GABPB2: variants seen among roughly 807,000 people sequenced by gnomAD.
GABPB2 encodes the protein GA binding protein transcription factor subunit beta 2, also known as GA-binding protein subunit beta-2.
Under a neutral mutation model 39.1 loss-of-function variants are expected in GABPB2, and 23 were observed. The observed-to-expected ratio is 0.59, with a 90% CI of 0.42 to 0.83. The LOEUF is 0.83. Among genes scored for constraint, GABPB2 ranks in the 40% least tolerant of loss-of-function variants. GABPB2 has a pLI of 0.00. For synonymous variants in GABPB2, 184 were observed against 199.3 expected (o/e 0.92, Z 0.65); for missense variants, 467 against 541.1 (o/e 0.86, Z 1.36).
At chr1:151,116,084 C>G (rs2101574319) in intron 7 of GABPB2, among the ~76,000 whole-genome samples, 1 of 151,120 alleles carries the variant, frequency 6.6e-6, no homozygotes, top group East Asian at 2.0e-4. Context: ...GCCTAGGTTA[C>G]AGAGTGAGAC....
At chr1:151,093,608 T>A (rs587681258) in intron 4 of GABPB2, among the ~76,000 whole-genome samples, 57 of 148,802 alleles carry the variant, frequency 3.8e-4, no homozygotes, top group Non-Finnish European at 7.9e-4. Flanking sequence ...TTTATATTTT[T>A]TATATATATT....
intron 1 of GABPB2, among the ~76,000 whole-genome samples, chr1:151,078,060 C>T (rs894943039): frequency 1.9e-4 from 28 of 148,294 alleles, no homozygotes; most frequent in African/African-American, 7.0e-4. Context: ...CCCCTGAAGT[C>T]AGGAGTTCAA....
chr1:151,103,706 A>G lies in GABPB2; in HGVS notation c.736+31A>G, dbSNP rs1470459547. The G allele has an allele frequency of 7.2e-6, 10 of 1,391,610 alleles. No individual in the cohort carries two copies. In the East Asian group the frequency reaches 9.2e-5, roughly 13 times the overall value. 86.2% of individuals were successfully genotyped at this position (1,391,610 alleles called of 1,614,324 possible). On this transcript the variant is annotated intron_variant, in intron 6 of 8. Coordinates refer to ENST00000368918, the MANE Select transcript of GABPB2 (RefSeq NM_144618.3). ...TAAGGGATATGCTGCTGGGTGAATC[A>G]CCACTTTTTCTTTTGTTTTTAAGTC...
At chr1:151,116,923 T>C (rs1205349528) in intron 7 of GABPB2, among the ~76,000 whole-genome samples, 1 of 152,114 alleles carries the variant, frequency 6.6e-6, no homozygotes, top group Non-Finnish European at 1.5e-5. Context: ...TCTGGGCGGA[T>C]TGATAAGCTA....
chr1:151,124,699 A>G lies in GABPB2; in HGVS notation c.*6443A>G, dbSNP rs145417231. ...GGAACTTCAGAATGGACTATATGTGATGACCACCTGTATGCACTCTAGGCT... is the reference window on the plus strand; with the variant it reads ...GGAACTTCAGAATGGACTATATGTGGTGACCACCTGTATGCACTCTAGGCT... On this transcript the variant is annotated 3_prime_UTR_variant, in exon 9 of 9. Transcript: ENST00000368918. 1.3e-5 allele frequency: 2 copies of G among 152,222 alleles called. No homozygotes were observed. The highest frequency in any genetic ancestry group is 3.9e-4 in the East Asian group (2 of 5,184). The allele number at this position is 152,222 out of a possible 1,614,324, so 9.4% of individuals were successfully genotyped here. A position where few individuals can be genotyped will look rare whatever the true frequency, so the allele number is the denominator to read the frequency against.
Position 151,125,483 on chromosome 1 carries a change from A to G in GABPB2, c.*7227A>G, listed in dbSNP as rs587650471. 1 of 152,136 alleles carries G rather than the reference A, an allele frequency of 6.6e-6. No homozygotes were observed. The highest frequency in any genetic ancestry group is 2.4e-5 in the African/African-American group (1 of 41,424). 9.4% of individuals were successfully genotyped at this position (152,136 alleles called of 1,614,324 possible). A position where few individuals can be genotyped will look rare whatever the true frequency, so the allele number is the denominator to read the frequency against. On this transcript the variant is annotated 3_prime_UTR_variant, in exon 9 of 9. Coordinates refer to ENST00000368918, the MANE Select transcript of GABPB2 (RefSeq NM_144618.3). ...ATACTTATACAGATCTATATTATATATACAGTTTTTGTACTATCATTTAAA... is the reference window on the plus strand; with the variant it reads ...ATACTTATACAGATCTATATTATATGTACAGTTTTTGTACTATCATTTAAA...
intron 7 of GABPB2, among the ~76,000 whole-genome samples, chr1:151,113,292 C>A (rs1311075831): frequency 6.6e-6 from 1 of 151,668 alleles, no homozygotes; most frequent in Admixed American, 6.6e-5. Flanking sequence ...CGCGGTGAAA[C>A]CCTGTCTCTA....
intron 5 of GABPB2, among the ~76,000 whole-genome samples, chr1:151,101,394 G>A (rs1215604635): frequency 6.6e-6 from 1 of 152,042 alleles, no homozygotes; most frequent in African/African-American, 2.4e-5. Flanking sequence ...GGCTAACATG[G>A]TGAAACCCCG....
intron 4 of GABPB2, among the ~76,000 whole-genome samples, chr1:151,095,107 T>C (rs1003874982): frequency 6.6e-6 from 1 of 151,362 alleles, no homozygotes; most frequent in Non-Finnish European, 1.5e-5. Context: ...TAAATAGATA[T>C]CTAGTAAGTG....
intron 3 of GABPB2, among the ~76,000 whole-genome samples, 187 bp downstream of exon 3, chr1:151,090,760 G>A (rs758970578): frequency 1.3e-5 from 2 of 151,868 alleles, no homozygotes; most frequent in South Asian, 2.1e-4. Context: ...TTGGGAGGCC[G>A]AGACGGGTGG....
intron 7 of GABPB2, 74 bp downstream of exon 7, chr1:151,107,296 A>G (rs1680043875): frequency 1.0e-6 from 1 of 984,346 alleles, no homozygotes; most frequent in East Asian, 3.1e-5. Flanking sequence ...AAAATGAGGC[A>G]TTAAGACAAA....
chr1:151,091,269 G>A (rs985848952), intron 3 of GABPB2, among the ~76,000 whole-genome samples: 2 of 150,092 alleles, frequency 1.3e-5, no homozygotes, highest in African/African-American at 4.9e-5. Context: ...TGTATTTTTA[G>A]TAGAGACGGG....
intron 2 of GABPB2, among the ~76,000 whole-genome samples, chr1:151,089,663 T>A (rs114999617): frequency 0.012 from 1,819 of 152,266 alleles, 45 homozygotes; most frequent in African/African-American, 0.041. Context: ...ATTTATTTTT[T>A]AATTTATTAT....
intron 6 of GABPB2, among the ~76,000 whole-genome samples, chr1:151,105,981 G>A (rs1229652554): frequency 6.9e-6 from 1 of 145,290 alleles, no homozygotes; most frequent in African/African-American, 2.5e-5. Flanking sequence ...TTTTTTTTGA[G>A]ATGGAATCTC....
intron 7 of GABPB2, chr1:151,112,821 A>T (rs985340264): frequency 3.9e-5 from 6 of 152,564 alleles, no homozygotes; most frequent in African/African-American, 1.5e-4. Context: ...ACCAGGCTAG[A>T]GTGCAGTGGC....
intron 7 of GABPB2, among the ~76,000 whole-genome samples, chr1:151,107,951 A>G (rs1357654701): frequency 6.6e-6 from 1 of 151,838 alleles, no homozygotes; most frequent in Non-Finnish European, 1.5e-5. Flanking sequence ...AAAAAAGGAA[A>G]GAAAGAAAAA....
intron 4 of GABPB2, 71 bp from the exon 5 acceptor site, chr1:151,097,781 A>G (rs1023278360): frequency 4.0e-5 from 60 of 1,510,754 alleles, no homozygotes; most frequent in Non-Finnish European, 4.7e-5. Context: ...TGTCTCAAAA[A>G]AAAAAAAAAG....
Position 151,118,203 on chromosome 1 carries a change from G to T in GABPB2, c.1294G>T (p.Ala432Ser). 6.2e-7 allele frequency: 1 copy of T among 1,614,156 alleles called. No individual in the cohort carries two copies. The highest frequency in any genetic ancestry group is 1.1e-5 in the South Asian group (1 of 91,074). ...EERETKVTGS[A>S]GTTEPHTRVS... The stretch of plus-strand genomic sequence containing the variant: ...GAGAGAGACAAAAGTGACTGGGTCA[G>T]CAGGGACCACAGAGCCTCACACTAG... Residue 432 changes from alanine (A) to serine (S), a missense_variant, in exon 9 of 9, where the codon GCA (alanine) becomes TCA (serine). Physicochemically the swap from Ala to Ser is moderately conservative, Grantham distance 99 (BLOSUM62 1). Transcript: ENST00000368918.
intron 1 of GABPB2, among the ~76,000 whole-genome samples, chr1:151,079,554 A>G (rs1475776257): frequency 3.3e-5 from 5 of 152,040 alleles, no homozygotes; most frequent in Admixed American, 3.3e-4. Context: ...AAATAAATAT[A>G]TAAATACGAT....
Sources: allele counts gnomAD v4.1 joint callset (sites outside exome capture counted in the v4.1 genomes callset), GRCh38; gene constraint gnomAD v4.1.1; transcripts MANE v1.5; gene names NCBI Gene and HGNC (gene_info 2026-07-23, HGNC 2026-07-21).